The following CLASP1 variants were observed in gnomAD, a reference collection of about 807,000 sequenced individuals.
CLASP1 encodes the protein cytoplasmic linker associated protein 1.
In CLASP1, 38 loss-of-function variants were observed where a neutral mutation model predicts 192.3. The ratio of observed to expected loss-of-function variants is 0.20; its 90% CI spans 0.15 to 0.26. The LOEUF (loss-of-function observed/expected upper bound fraction) is 0.26. CLASP1 is among the 10% of genes least tolerant of loss of function. The pLI, the probability that CLASP1 is intolerant of heterozygous loss-of-function variation, is 1.00. For synonymous variants in CLASP1, 691 were observed against 712.8 expected (o/e 0.97, Z 0.49); for missense variants, 1,433 against 1,932.5 (o/e 0.74, Z 4.85).
chr2:121,381,472 T>C (rs1030177169), intron 33 of CLASP1, among the ~76,000 whole-genome samples: 2 of 152,140 alleles, frequency 1.3e-5, no homozygotes, highest in South Asian at 4.1e-4. Context: ...GACCCTGAAA[T>C]AGACATCTGC....
At chr2:121,348,259 G>GT (rs2063728787) in intron 38 of CLASP1, among the ~76,000 whole-genome samples, 1 of 152,172 alleles carries the variant, frequency 6.6e-6, no homozygotes, top group Admixed American at 6.5e-5. Flanking sequence ...AATGATCAAA[G>GT]TATGTTTATA....
At chr2:121,525,060 C>T (rs1559514449) in intron 6 of CLASP1, among the ~76,000 whole-genome samples, 1 of 152,176 alleles carries the variant, frequency 6.6e-6, no homozygotes, top group Non-Finnish European at 1.5e-5. Flanking sequence ...CAAGATTTCA[C>T]AGGAGAGGCC....
intron 2 of CLASP1, among the ~76,000 whole-genome samples, chr2:121,574,653 CA>C (rs1159063433): frequency 3.5e-5 from 4 of 114,666 alleles, no homozygotes; most frequent in African/African-American, 1.3e-4. Context: ...AAAAAAAAAA[CA>C]AAAACCGGGT....
At chr2:121,445,011 T>C in intron 19 of CLASP1, 1 of 1,214,932 alleles carries the variant, frequency 8.2e-7, no homozygotes, top group Non-Finnish European at 1.1e-6. Context: ...GAACAGTTAG[T>C]AACATTCAAA....
intron 7 of CLASP1, among the ~76,000 whole-genome samples, chr2:121,505,784 T>C (rs958246965): frequency 2.0e-5 from 3 of 152,188 alleles, no homozygotes; most frequent in East Asian, 1.9e-4. Flanking sequence ...TAAATTTCCA[T>C]ATTAAACTCT....
chr2:121,413,472 GATGT>G (rs2078060790), intron 23 of CLASP1, among the ~76,000 whole-genome samples: 1 of 152,112 alleles, frequency 6.6e-6, no homozygotes, highest in Non-Finnish European at 1.5e-5. Context: ...CTAACAAATT[GATGT>G]ATTACTGTAT....
chr2:121,581,260 C>CTTGTTTGTTTTTTTTTT (rs2061111993), intron 2 of CLASP1, among the ~76,000 whole-genome samples: 1 of 57,680 alleles, frequency 1.7e-5, no homozygotes, highest in African/African-American at 7.2e-5. Flanking sequence ...GCCTTTTGTT[C>CTTGTTTGTTTTTTTTTT]TTTTTTTTTT....
At chr2:121,422,670 G>A (rs2079699783) in intron 22 of CLASP1, among the ~76,000 whole-genome samples, 1 of 152,026 alleles carries the variant, frequency 6.6e-6, no homozygotes, top group Non-Finnish European at 1.5e-5. Flanking sequence ...TATTTAATAG[G>A]AATTACAGGC....
chr2:121,399,757 C>G (rs1401006933), intron 28 of CLASP1, among the ~76,000 whole-genome samples: 1 of 152,138 alleles, frequency 6.6e-6, no homozygotes, highest in African/African-American at 2.4e-5. Context: ...TCCTTAATCA[C>G]CAAAGTTTAG....
chr2:121,581,344 G>A (rs1472651426), intron 2 of CLASP1, among the ~76,000 whole-genome samples: 1 of 138,804 alleles, frequency 7.2e-6, no homozygotes, highest in African/African-American at 2.8e-5. Context: ...GCGCAATCTC[G>A]GCTCACTGCA....
intron 33 of CLASP1, among the ~76,000 whole-genome samples, chr2:121,380,556 GGGA>G (rs1374528797): frequency 6.6e-6 from 1 of 152,202 alleles, no homozygotes; most frequent in Admixed American, 6.5e-5. Context: ...GTCGTGGGGA[GGGA>G]GGAGAACATG....
At chr2:121,597,503 G>T (rs1471038166) in intron 2 of CLASP1, among the ~76,000 whole-genome samples, 1 of 152,144 alleles carries the variant, frequency 6.6e-6, no homozygotes, top group African/African-American at 2.4e-5. Flanking sequence ...ATAGCCCCTT[G>T]AATAGAATCC....
rs368483406 is a variant in CLASP1, at chr2:121,401,854, G to T, written c.2736+14C>A. 1.1e-5 allele frequency: 8 copies of T among 749,146 alleles called. No individual in the cohort carries two copies. Among genetic ancestry groups the T allele is most frequent in the African/African-American group, 1.7e-5 (1 of 58,786 alleles). The allele number at this position is 749,146 out of a possible 1,614,324, so 46.4% of individuals were successfully genotyped here. ...GTGCAGAAAACAGATAAAGGAAAAA[G>T]AAATGGAACTTACTCTCTGTTGTGA... On this transcript the variant is annotated intron_variant, in intron 27 of 39. Coordinates refer to ENST00000263710, the Ensembl canonical transcript of CLASP1.
intron 8 of CLASP1, among the ~76,000 whole-genome samples, chr2:121,498,871 C>A (rs1411319963): frequency 1.3e-5 from 2 of 152,138 alleles, no homozygotes; most frequent in Non-Finnish European, 2.9e-5. Context: ...CAATGAGATA[C>A]CACTTTACAG....
chr2:121,583,145 C>T (rs1012427950), intron 2 of CLASP1, among the ~76,000 whole-genome samples: 10 of 152,124 alleles, frequency 6.6e-5, no homozygotes, highest in African/African-American at 2.4e-4. Context: ...CTATAAGGGA[C>T]CGTTGTTGCT....
chr2:121,558,852 T>C (rs2058813610), intron 2 of CLASP1, among the ~76,000 whole-genome samples: 1 of 152,218 alleles, frequency 6.6e-6, no homozygotes, highest in Non-Finnish European at 1.5e-5. Flanking sequence ...ACAAAGAATT[T>C]CAGAGCGAGC....
intron 39 of CLASP1, among the ~76,000 whole-genome samples, chr2:121,345,482 T>G (rs568014795): frequency 1.3e-5 from 2 of 152,354 alleles, no homozygotes; most frequent in African/African-American, 4.8e-5. Flanking sequence ...GGATGAATTT[T>G]CCATTTTATA....
chr2:121,425,041 A>T, intron 22 of CLASP1, 98 bp downstream of exon 22: 1 of 1,248,736 alleles, frequency 8.0e-7, no homozygotes, highest in African/African-American at 1.5e-5. Context: ...AGTTCAAAAA[A>T]TAGATCTATA....
intron 13 of CLASP1, 91 bp from the exon 14 acceptor site, chr2:121,457,848 T>A (rs2087017891): frequency 2.4e-6 from 2 of 822,870 alleles, no homozygotes; most frequent in Non-Finnish European, 2.1e-6. Flanking sequence ...AACCTACTTA[T>A]AGCACATATA....
Sources: gnomAD v4.1 joint callset for allele counts (sites outside exome capture counted in the v4.1 genomes callset) on GRCh38, gnomAD v4.1.1 for gene constraint, MANE v1.5 for transcripts, NCBI Gene and HGNC (gene_info 2026-07-23, HGNC 2026-07-21) for gene names.